The following ELOVL7 variants were observed in gnomAD, a reference collection of about 807,000 sequenced individuals.
ELOVL7 encodes ELOVL fatty acid elongase 7, also known as very long chain fatty acid elongase 7.
ELOVL7 carries 27 observed loss-of-function variants against 35.7 expected under a neutral mutation model. The ratio of observed to expected loss-of-function variants is 0.76; its 90% CI spans 0.56 to 1.04. The LOEUF (loss-of-function observed/expected upper bound fraction) is 1.04, where lower values mean the gene tolerates loss of function less well. ELOVL7 is among the 50% of genes least tolerant of loss of function. The probability of loss-of-function intolerance (pLI) is 0.00; values close to 1 mark genes in which losing one functional copy is unlikely to be tolerated. For synonymous variants in ELOVL7, 113 were observed against 114.6 expected (o/e 0.99, Z 0.09); for missense variants, 327 against 340.8 (o/e 0.96, Z 0.32).
intron 1 of ELOVL7, among the ~76,000 whole-genome samples, chr5:60,825,505 CTATAT>C (rs1455965823): frequency 2.0e-5 from 3 of 152,158 alleles, no homozygotes; most frequent in Non-Finnish European, 4.4e-5. Context: ...CAAGAATGCG[CTATAT>C]TATAAGCTGC....
Position 60,799,734 on chromosome 5 carries a change from A to G in ELOVL7, c.-85-504T>C, listed in dbSNP as rs529141865. On this transcript the variant is annotated intron_variant, in intron 1 of 8. Coordinates refer to ENST00000508821, the MANE Select transcript of ELOVL7 (RefSeq NM_024930.3). ...ATAACTTCACTGTTAAATTCTACCAAACATTTAAAAAATAACTAATAGACC... is the reference window on the plus strand; with the variant it reads ...ATAACTTCACTGTTAAATTCTACCAGACATTTAAAAAATAACTAATAGACC... Among the ~76,000 whole-genome samples, 3 of 152,336 alleles carry G rather than the reference A, an allele frequency of 2.0e-5. No individual in the cohort carries two copies. In the East Asian group the frequency reaches 5.8e-4, roughly 29 times the overall value.
At chr5:60,774,261 C>A (rs776890589) in intron 3 of ELOVL7, among the ~76,000 whole-genome samples, 5 of 152,096 alleles carry the variant, frequency 3.3e-5, no homozygotes, top group Non-Finnish European at 7.4e-5. Context: ...AACAAACTAG[C>A]CAGGTGAATC....
chr5:60,780,138 A>G (rs1213332345), intron 3 of ELOVL7, among the ~76,000 whole-genome samples: 1 of 70,742 alleles, frequency 1.4e-5, no homozygotes, highest in South Asian at 4.6e-4. Flanking sequence ...TTTTTTTTTT[A>G]GATGTAGTTT....
chr5:60,754,653 T>C lies in ELOVL7; in HGVS notation c.817A>G (p.Asn273Asp). The change falls in exon 9 of 9, where the codon AAT becomes GAT. Residue 273 changes from asparagine to aspartate, a missense_variant. Transcript: ENST00000508821. ...TTATCTTTGTTTTTGCAAGTTCCAT[T>C]TTTCACAGTTTTGGGCAACCTCTGA... ...KGQRLPKTVK[N>D]GTCKNKDN 6.2e-7 allele frequency: 1 copy of C among 1,614,174 alleles called. No individual in the cohort carries two copies. The highest frequency in any genetic ancestry group is 8.5e-7 in the Non-Finnish European group (1 of 1,180,016).
chr5:60,784,857 A>G (rs1477138015), intron 3 of ELOVL7, among the ~76,000 whole-genome samples: 1 of 152,224 alleles, frequency 6.6e-6, no homozygotes, highest in Non-Finnish European at 1.5e-5. Flanking sequence ...TGGGAAAAAA[A>G]TTATGTAAAG....
chr5:60,790,751 G>T (rs1029384520), intron 2 of ELOVL7, among the ~76,000 whole-genome samples: 2 of 152,088 alleles, frequency 1.3e-5, no homozygotes, highest in African/African-American at 2.4e-5. Context: ...TAATAGCTGT[G>T]TGACTCCAGC....
Position 60,822,113 on chromosome 5 carries a change from G to A in ELOVL7, c.-86+22047C>T, listed in dbSNP as rs191337319. Among the ~76,000 whole-genome samples, 166 of 152,270 alleles carry A rather than the reference G, an allele frequency of 1.1e-3. 3 individuals carry two copies. The highest frequency in any genetic ancestry group is 2.3e-3 in the African/African-American group (96 of 41,538). On this transcript the variant is annotated intron_variant, in intron 1 of 8. Transcript: ENST00000508821. ...AATATCAGTGAATAAATAAATGAAG[G>A]TGTGAATGATAAGAAGGCTTTGTGA... is the stretch of plus-strand genomic sequence containing the variant.
chr5:60,761,891 C>T (rs17388949), intron 7 of ELOVL7, among the ~76,000 whole-genome samples: 15,710 of 151,980 alleles, frequency 0.1, 1,088 homozygotes, highest in South Asian at 0.16. Flanking sequence ...AATGGGCCTG[C>T]GGCATATTCG....
intron 1 of ELOVL7, among the ~76,000 whole-genome samples, chr5:60,838,296 T>C (rs1443044862): frequency 6.6e-6 from 1 of 152,132 alleles, no homozygotes; most frequent in Non-Finnish European, 1.5e-5. Flanking sequence ...CCTCGTCCCA[T>C]TTCTCAGCTG....
At chr5:60,822,947 A>G (rs893689104) in intron 1 of ELOVL7, among the ~76,000 whole-genome samples, 1 of 152,220 alleles carries the variant, frequency 6.6e-6, no homozygotes, top group African/African-American at 2.4e-5. Flanking sequence ...TGTGACTGGA[A>G]GGAAGAAGAA....
At chr5:60,834,045 T>C (rs1438605066) in intron 1 of ELOVL7, among the ~76,000 whole-genome samples, 2 of 152,260 alleles carry the variant, frequency 1.3e-5, no homozygotes, top group Non-Finnish European at 2.9e-5. Flanking sequence ...TTTTTCAAGT[T>C]TAATAAACTC....
At chr5:60,795,638 T>A (rs1200232845) in intron 2 of ELOVL7, among the ~76,000 whole-genome samples, 1 of 152,218 alleles carries the variant, frequency 6.6e-6, no homozygotes, top group South Asian at 2.1e-4. Flanking sequence ...TGAATGCCGA[T>A]GTCGGAGACT....
At chr5:60,837,315 T>TGGGGGGGGGGGGGGGGGGGGGGGG (rs1227317155) in intron 1 of ELOVL7, among the ~76,000 whole-genome samples, 4 of 24,514 alleles carry the variant, frequency 1.6e-4, no homozygotes, top group African/African-American at 1.7e-4. Context: ...GGCGGGGGGG[T>TGGGGGGGGGGGGGGGGGGGGGGGG]GGGGGGGGAG....
intron 7 of ELOVL7, among the ~76,000 whole-genome samples, chr5:60,763,482 T>C (rs1342615082): frequency 6.6e-6 from 1 of 152,206 alleles, no homozygotes; most frequent in Non-Finnish European, 1.5e-5. Flanking sequence ...ATTTGAAGAC[T>C]TTTAAAATTT....
intron 1 of ELOVL7, among the ~76,000 whole-genome samples, chr5:60,836,028 T>A (rs965859118): frequency 1.3e-5 from 2 of 152,020 alleles, no homozygotes; most frequent in African/African-American, 4.8e-5. Flanking sequence ...ATAGGCTCAT[T>A]GGTCAACTGT....
At chr5:60,766,505 AAAGATCAAACATTTAAGATCAAACATTT>A in intron 6 of ELOVL7, 41 bp downstream of exon 6, 2 of 1,373,910 alleles carry the variant, frequency 1.5e-6, no homozygotes, top group Middle Eastern at 1.8e-4. Flanking sequence ...GGTTTCACTG[AAAGATCAAACATTTAAGATCAAACATTT>A]AAGATCAAAC....
At chr5:60,802,184 T>G (rs1338206980) in intron 1 of ELOVL7, among the ~76,000 whole-genome samples, 1 of 149,760 alleles carries the variant, frequency 6.7e-6, no homozygotes, top group East Asian at 1.9e-4. Flanking sequence ...TACAGACTTG[T>G]GAGTTTGTCA....
intron 3 of ELOVL7, among the ~76,000 whole-genome samples, chr5:60,772,314 G>T (rs543723578): frequency 1.3e-5 from 2 of 152,078 alleles, no homozygotes; most frequent in African/African-American, 4.8e-5. Flanking sequence ...TGCACTGATC[G>T]CCTGCATGAT....
chr5:60,818,721 C>T (rs78461543), intron 1 of ELOVL7, among the ~76,000 whole-genome samples: 1 of 151,750 alleles, frequency 6.6e-6, no homozygotes, highest in African/African-American at 2.4e-5. Context: ...TTTAAGAAAA[C>T]TTGAGGCTGG....
Sources: gnomAD v4.1 joint callset for allele counts (sites outside exome capture counted in the v4.1 genomes callset) on GRCh38, gnomAD v4.1.1 for gene constraint, MANE v1.5 for transcripts, NCBI Gene and HGNC (gene_info 2026-07-23, HGNC 2026-07-21) for gene names.